The following PTPRD variants were observed in gnomAD, a reference collection of about 807,000 sequenced individuals.
PTPRD encodes receptor-type tyrosine-protein phosphatase delta.
PTPRD carries 34 observed loss-of-function variants against 214.5 expected under a neutral mutation model. The observed-to-expected ratio is 0.16, with a 90% confidence interval of 0.12 to 0.21. The LOEUF is 0.21. Among genes scored for constraint, PTPRD ranks in the 10% least tolerant of loss-of-function variants. The pLI, the probability that PTPRD is intolerant of heterozygous loss-of-function variation, is 1.00. For missense variants in PTPRD, 2,545 were observed against 2,398.7 expected, an observed-to-expected ratio of 1.06 and a Z score of -1.27; for synonymous variants, 1,128 against 845.7, an observed-to-expected ratio of 1.33 and a Z score of -5.79.
intron 9 of PTPRD, among the ~76,000 whole-genome samples, chr9:9,393,303 G>A (rs1459321111): frequency 1.3e-5 from 2 of 152,164 alleles, no homozygotes; most frequent in South Asian, 2.1e-4. Context: ...TGGGACATTA[G>A]CAAGCTTGAT....
intron 10 of PTPRD, among the ~76,000 whole-genome samples, chr9:9,096,440 G>C (rs2099783629): frequency 6.6e-6 from 1 of 152,132 alleles, no homozygotes; most frequent in Admixed American, 6.5e-5. Flanking sequence ...CTCCAGCACT[G>C]AAAATTATTT....
intron 2 of PTPRD, among the ~76,000 whole-genome samples, chr9:10,560,968 A>C (rs2131517268): frequency 6.6e-6 from 1 of 152,258 alleles, no homozygotes; most frequent in Middle Eastern, 3.4e-3. Context: ...AATGTGGGTG[A>C]ATTGGGTGGG....
intron 11 of PTPRD, among the ~76,000 whole-genome samples, chr9:8,768,011 G>A (rs1331429278): frequency 6.6e-6 from 1 of 152,106 alleles, no homozygotes; most frequent in Non-Finnish European, 1.5e-5. Flanking sequence ...AAGGTCAGAG[G>A]GAAAGAAAAT....
At chr9:10,201,594 ATG>A (rs963868407) in intron 3 of PTPRD, among the ~76,000 whole-genome samples, 8 of 151,324 alleles carry the variant, frequency 5.3e-5, no homozygotes, top group Non-Finnish European at 8.9e-5. Flanking sequence ...GTGTGTGTGC[ATG>A]TGTGTGTGTA....
intron 3 of PTPRD, among the ~76,000 whole-genome samples, chr9:10,156,526 G>A (rs960364599): frequency 4.6e-5 from 7 of 152,042 alleles, no homozygotes; most frequent in African/African-American, 1.4e-4. Context: ...CATTTATTTC[G>A]CATTTGCTGA....
At chr9:9,119,765 C>A (rs538151787) in intron 10 of PTPRD, among the ~76,000 whole-genome samples, 1 of 151,926 alleles carries the variant, frequency 6.6e-6, no homozygotes, top group Admixed American at 6.6e-5. Flanking sequence ...CTCAGATGAT[C>A]CACTGGCCTC....
intron 11 of PTPRD, among the ~76,000 whole-genome samples, chr9:8,854,380 C>T (rs532954092): frequency 7.2e-5 from 11 of 152,210 alleles, no homozygotes; most frequent in Non-Finnish European, 1.5e-4. Context: ...GAAATATTCA[C>T]CTTTCTTGAA....
chr9:10,195,215 G>T (rs971748566), intron 3 of PTPRD, among the ~76,000 whole-genome samples: 1 of 151,464 alleles, frequency 6.6e-6, no homozygotes, highest in Admixed American at 6.6e-5. Context: ...AAACGGAAGG[G>T]AATATTGTAC....
intron 9 of PTPRD, among the ~76,000 whole-genome samples, chr9:9,396,904 G>C (rs777425723): frequency 7.9e-5 from 12 of 151,970 alleles, no homozygotes; most frequent in Non-Finnish European, 1.5e-4. Flanking sequence ...TCTTCCAAGA[G>C]AGACATAAAT....
chr9:8,576,844 C>A (rs1402886070), intron 14 of PTPRD, among the ~76,000 whole-genome samples: 1 of 152,144 alleles, frequency 6.6e-6, no homozygotes, highest in Non-Finnish European at 1.5e-5. Flanking sequence ...TCTTTGGTGA[C>A]TCTCTTCCTT....
intron 9 of PTPRD, among the ~76,000 whole-genome samples, chr9:9,185,386 C>A (rs1358079726): frequency 2.0e-5 from 3 of 151,990 alleles, no homozygotes; most frequent in African/African-American, 7.2e-5. Flanking sequence ...TCAATGATTC[C>A]TTTTAGGCAA....
At position 10,612,900 on chromosome 9, in the gene PTPRD, T is replaced by A. The variant is rs1246506078; in HGVS notation, c.-920A>T. On this transcript the variant is annotated 5_prime_UTR_variant, in exon 1 of 46. Transcript: ENST00000381196. The stretch of plus-strand genomic sequence containing the variant: ...GGGGCGAGGCGCTGCCCCCACGCGC[T>A]CCGGCCGCCGGCTGCGGGCGCGGCT... 6.6e-6 allele frequency among the ~76,000 whole-genome samples: 1 copy of A among 151,632 alleles called. No individual in the cohort carries two copies. The highest frequency in any genetic ancestry group is 1.5e-5 in the Non-Finnish European group (1 of 67,890).
chr9:9,837,693 G>A lies in PTPRD; in HGVS notation c.-367-70842C>T, dbSNP rs139239831. On this transcript the variant is annotated intron_variant, in intron 5 of 45. Coordinates refer to ENST00000381196, the MANE Select transcript of PTPRD (RefSeq NM_002839.4). ...GAGGGGAGTGGCTGTAATAACAGTGGTAGCATCCTAACCAGACTGGTATGA... is the reference window on the plus strand; with the variant it reads ...GAGGGGAGTGGCTGTAATAACAGTGATAGCATCCTAACCAGACTGGTATGA... Among the ~76,000 whole-genome samples, 317 of 152,222 alleles carry A rather than the reference G, an allele frequency of 2.1e-3. 1 individual carries two copies. Among genetic ancestry groups the A allele is most frequent in the African/African-American group, 7.3e-3 (304 of 41,544 alleles).
At chr9:8,956,656 G>A (rs1448028470) in intron 11 of PTPRD, among the ~76,000 whole-genome samples, 4 of 151,576 alleles carry the variant, frequency 2.6e-5, no homozygotes, top group Non-Finnish European at 5.9e-5. Context: ...TTCACAACAG[G>A]GGAGCAGTTA....
At chr9:10,416,041 A>G (rs1408060056) in intron 2 of PTPRD, among the ~76,000 whole-genome samples, 1 of 151,832 alleles carries the variant, frequency 6.6e-6, no homozygotes. Flanking sequence ...AAAGATAAGA[A>G]AAAAGTGTTT....
At chr9:8,672,310 C>T (rs1257270288) in intron 12 of PTPRD, among the ~76,000 whole-genome samples, 1 of 152,122 alleles carries the variant, frequency 6.6e-6, no homozygotes, top group African/African-American at 2.4e-5. Context: ...GGGTTTTCAT[C>T]ATATGATACC....
chr9:8,385,285 G>C (rs1255856459), intron 37 of PTPRD, among the ~76,000 whole-genome samples: 2 of 152,264 alleles, frequency 1.3e-5, no homozygotes, highest in Admixed American at 1.3e-4. Context: ...CAAACACTTT[G>C]GGGGGCCAAG....
chr9:9,357,043 C>T (rs912019202), intron 9 of PTPRD, among the ~76,000 whole-genome samples: 1 of 151,298 alleles, frequency 6.6e-6, no homozygotes, highest in Non-Finnish European at 1.5e-5. Context: ...TTCTCTCATT[C>T]CTTCTCTTCA....
chr9:10,335,455 A>G (rs1487797381), intron 3 of PTPRD, among the ~76,000 whole-genome samples: 1 of 151,796 alleles, frequency 6.6e-6, no homozygotes, highest in Non-Finnish European at 1.5e-5. Flanking sequence ...CTCAAAACAT[A>G]TCACAGACCC....
Sources: gnomAD v4.1 joint callset for allele counts (sites outside exome capture counted in the v4.1 genomes callset) on GRCh38, gnomAD v4.1.1 for gene constraint, MANE v1.5 for transcripts, NCBI Gene and HGNC (gene_info 2026-07-23, HGNC 2026-07-21) for gene names.